VAV2: variants seen among roughly 807,000 people sequenced by gnomAD.
VAV2 encodes vav guanine nucleotide exchange factor 2, also known as guanine nucleotide exchange factor VAV2.
Under a neutral mutation model 132.5 loss-of-function variants are expected in VAV2, and 67 were observed. The ratio of observed to expected loss-of-function variants is 0.51; its 90% confidence interval spans 0.42 to 0.62. The LOEUF is 0.62. Ranked by LOEUF, VAV2 falls within the 20% of genes least tolerant of loss-of-function variation. The probability of loss-of-function intolerance (pLI) is 0.00; values close to 1 mark genes in which losing one functional copy is unlikely to be tolerated. For missense variants in VAV2, 938 were observed against 1,153.6 expected, an observed-to-expected ratio of 0.81 and a Z score of 2.71; for synonymous variants, 492 against 443.5, an observed-to-expected ratio of 1.11 and a Z score of -1.37.
At chr9:133,772,441 CG>C (rs1050766785) in intron 25 of VAV2, among the ~76,000 whole-genome samples, 21 of 152,186 alleles carry the variant, frequency 1.4e-4, no homozygotes, top group Admixed American at 1.4e-3. Context: ...TCCACTTGGC[CG>C]GCCAGGCCTC....
At chr9:133,978,714 C>A (rs1338264550) in intron 1 of VAV2, among the ~76,000 whole-genome samples, 1 of 152,264 alleles carries the variant, frequency 6.6e-6, no homozygotes, top group African/African-American at 2.4e-5. Flanking sequence ...AGCTGCCAGG[C>A]AGCAGGAGAC....
At chr9:133,866,368 G>A (rs903271082) in intron 2 of VAV2, among the ~76,000 whole-genome samples, 12 of 152,308 alleles carry the variant, frequency 7.9e-5, no homozygotes, top group Admixed American at 5.2e-4. Context: ...AAATCCCTAC[G>A]CCTTCTGCAG....
In VAV2 at chr9:133,791,799, C is replaced by T. The variant is rs761281648; in HGVS notation, c.1172G>A (p.Ser391Asn). 2.5e-6 allele frequency: 4 copies of T among 1,614,182 alleles called. No individual in the cohort carries two copies. The highest frequency in any genetic ancestry group is 4.5e-5 in the East Asian group (2 of 44,880). ...ETLRKISEFQ[S>N]SIENLQVKLE... Reference sequence around the variant, plus strand: ...CTCACTCACCAAATTTTCTATAGAACTCTGAAATTCGCTGATTTTCCTCAA... The same window carrying T: ...CTCACTCACCAAATTTTCTATAGAATTCTGAAATTCGCTGATTTTCCTCAA... Residue 391 changes from serine (S) to asparagine (N), a missense_variant, in exon 13 of 30, where the codon AGT becomes AAT. By Grantham distance (46) the Ser-to-Asn change is conservative (BLOSUM62 1). Transcript: ENST00000371850.
rs1257558038 is a variant in VAV2 at position 133,930,486 on chromosome 9, G to A, written c.321+8617C>T. Among the ~76,000 whole-genome samples the A allele has an allele frequency of 6.6e-5, 10 of 152,332 alleles. 1 individual carries two copies. Among genetic ancestry groups the A allele is most frequent in the South Asian group, 6.2e-4 (3 of 4,820 alleles). On this transcript the variant is annotated intron_variant, in intron 2 of 29. Coordinates refer to ENST00000371850, the MANE Select transcript of VAV2 (RefSeq NM_001134398.2). The stretch of plus-strand genomic sequence containing the variant: ...CCACCCGGCCTCCTCTCTGCCTCCC[G>A]GCATCCTGGCCGTCTTCCGTGCGCC...
intron 2 of VAV2, among the ~76,000 whole-genome samples, chr9:133,924,665 G>C (rs1840411559): frequency 1.3e-5 from 2 of 152,184 alleles, no homozygotes. Context: ...CCCTCAAGAG[G>C]AACAGCCTTC....
At chr9:133,829,497 G>A (rs542525255) in intron 4 of VAV2, among the ~76,000 whole-genome samples, 12 of 152,348 alleles carry the variant, frequency 7.9e-5, no homozygotes, top group South Asian at 4.1e-4. Flanking sequence ...AGTGACCTGC[G>A]CCCAAGTGCG....
chr9:133,990,498 T>G (rs1842981805), intron 1 of VAV2, among the ~76,000 whole-genome samples: 1 of 152,142 alleles, frequency 6.6e-6, no homozygotes, highest in Non-Finnish European at 1.5e-5. Context: ...CAGGCAAGGC[T>G]GGGCTCCTCC....
chr9:133,805,116 G>C (rs561280581), intron 9 of VAV2, among the ~76,000 whole-genome samples: 8 of 152,278 alleles, frequency 5.3e-5, no homozygotes, highest in African/African-American at 1.9e-4. Flanking sequence ...TGTGAGCTGT[G>C]CTGACGGCCA....
At chr9:133,797,868 C>A (rs749506674) in intron 9 of VAV2, 59 bp from the exon 10 acceptor site, 501 of 1,519,236 alleles carry the variant, frequency 3.3e-4, no homozygotes, top group Non-Finnish European at 3.8e-4. Context: ...CTCGGGGCTG[C>A]AGTGAGCCCG....
intron 2 of VAV2, among the ~76,000 whole-genome samples, chr9:133,887,253 C>G (rs1378865762): frequency 6.6e-6 from 1 of 152,174 alleles, no homozygotes; most frequent in Non-Finnish European, 1.5e-5. Context: ...AAAACCACCC[C>G]AGGATGGGGG....
intron 2 of VAV2, among the ~76,000 whole-genome samples, chr9:133,916,462 A>G (rs1840094704): frequency 6.6e-6 from 1 of 152,200 alleles, no homozygotes; most frequent in Non-Finnish European, 1.5e-5. Flanking sequence ...CGTCGGCGTC[A>G]CCATCCCAGA....
At chr9:133,811,564 G>A (rs909578007) in intron 5 of VAV2, among the ~76,000 whole-genome samples, 1 of 152,206 alleles carries the variant, frequency 6.6e-6, no homozygotes, top group South Asian at 2.1e-4. Context: ...AGCAGCTGCT[G>A]GCAATAAACC....
chr9:133,900,538 A>G (rs567392612), intron 2 of VAV2, among the ~76,000 whole-genome samples: 175 of 152,324 alleles, frequency 1.1e-3, no homozygotes, highest in African/African-American at 4.0e-3. Flanking sequence ...ACTGTAGGTC[A>G]TAAGACCCAC....
chr9:133,865,802 A>G (rs1837775116), intron 2 of VAV2, among the ~76,000 whole-genome samples: 1 of 152,212 alleles, frequency 6.6e-6, no homozygotes, highest in African/African-American at 2.4e-5. Context: ...ATATTGTTCT[A>G]TGCTGTAAGT....
chr9:133,945,026 G>C (rs1841310920), intron 1 of VAV2, among the ~76,000 whole-genome samples: 1 of 152,182 alleles, frequency 6.6e-6, no homozygotes, highest in South Asian at 2.1e-4. Context: ...CCAGGCACTG[G>C]GCTAAGAGCT....
At chr9:133,856,869 T>C (rs1358527643) in intron 3 of VAV2, among the ~76,000 whole-genome samples, 1 of 152,182 alleles carries the variant, frequency 6.6e-6, no homozygotes. Flanking sequence ...TGTATTTACA[T>C]CTGCGAAAAC....
intron 14 of VAV2, among the ~76,000 whole-genome samples, 186 bp downstream of exon 14, chr9:133,789,072 T>A (rs958584346): frequency 1.3e-5 from 2 of 152,200 alleles, no homozygotes; most frequent in Non-Finnish European, 2.9e-5. Flanking sequence ...AAAGCCCCAC[T>A]GCTGTGGCGC....
chr9:133,769,307 A>C lies in VAV2; in HGVS notation c.2434+110T>G. Reference sequence around the variant, plus strand: ...TCCACCCAGTGCCAGACTGCGGACAACTGTGGCCACGTCAGGCAGGGCTGT... The same window carrying C: ...TCCACCCAGTGCCAGACTGCGGACACCTGTGGCCACGTCAGGCAGGGCTGT... On this transcript the variant is annotated intron_variant, in intron 28 of 29. Coordinates refer to ENST00000371850, the MANE Select transcript of VAV2 (RefSeq NM_001134398.2). This position sits in a 1 kb window ranked among gnomAD's most constrained non-coding sequence, Gnocchi z 8.1. 1 of 1,195,292 alleles carries C rather than the reference A, an allele frequency of 8.4e-7. No individual in the cohort carries two copies. The highest frequency in any genetic ancestry group is 1.2e-6 in the Non-Finnish European group (1 of 859,972). The allele number at this position is 1,195,292 out of a possible 1,614,324, so 74.0% of individuals were successfully genotyped here. A position where few individuals can be genotyped will look rare whatever the true frequency, so the allele number is the denominator to read the frequency against.
At position 133,777,425 on chromosome 9, in the gene VAV2, G is replaced by A. The variant is rs1470186595; in HGVS notation, c.1929C>T (p.Pro643=). The change falls in exon 23 of 30, where the codon CCC becomes CCT. Residue 643 remains proline (P), a synonymous_variant. Transcript: ENST00000371850. ...LVQTRKSGYF[P]SSSVKPCPVD... ...CAGGGCAGGGCTTCACAGATGAGCT[G>A]GGGAAATACCCTGACTTCCTGGTTT... is the stretch of plus-strand genomic sequence containing the variant. 5 of 1,613,792 alleles carry A rather than the reference G, an allele frequency of 3.1e-6. No individual in the cohort carries two copies. The highest frequency in any genetic ancestry group is 4.2e-6 in the Non-Finnish European group (5 of 1,180,016).
Sources: gnomAD v4.1 joint callset for allele counts (sites outside exome capture counted in the v4.1 genomes callset) on GRCh38, gnomAD v4.1.1 for gene constraint, Gnocchi (gnomAD v3.1) non-coding constraint, MANE v1.5 for transcripts, NCBI Gene and HGNC (gene_info 2026-07-23, HGNC 2026-07-21) for gene names.